NAA35: variants seen among roughly 807,000 people sequenced by gnomAD.
NAA35 encodes the protein MAK10 homolog, amino-acid N-acetyltransferase subunit.
A neutral mutation model predicts 101.7 loss-of-function variants in NAA35; 18 were observed. That is an observed-to-expected ratio of 0.18 (90% confidence interval 0.12 to 0.26). The LOEUF (loss-of-function observed/expected upper bound fraction) is 0.26. Among genes scored for constraint, NAA35 ranks in the 10% least tolerant of loss-of-function variants. The pLI is 1.00. For synonymous variants in NAA35, 267 were observed against 273.1 expected, an observed-to-expected ratio of 0.98 and a Z score of 0.22; for missense variants, 601 against 886.8, an observed-to-expected ratio of 0.68 and a Z score of 4.09.
intron 12 of NAA35, among the ~76,000 whole-genome samples, chr9:85,997,456 A>G (rs1380991334): frequency 6.8e-6 from 1 of 146,356 alleles, no homozygotes; most frequent in East Asian, 2.1e-4. Flanking sequence ...GTCATTCCAC[A>G]TCAGCCTCCC....
chr9:85,977,514 G>C (rs1830266384), intron 10 of NAA35, 68 bp downstream of exon 10: 2 of 1,088,708 alleles, frequency 1.8e-6, no homozygotes, highest in Non-Finnish European at 2.8e-6. Context: ...GAGTGAAGCA[G>C]TTCTGAAACT....
At chr9:85,942,904 G>C (rs1297868827) in intron 2 of NAA35, among the ~76,000 whole-genome samples, 1 of 152,110 alleles carries the variant, frequency 6.6e-6, no homozygotes, top group East Asian at 1.9e-4. Flanking sequence ...TAACCTCCCT[G>C]GTGAGGACCT....
At position 86,024,369 on chromosome 9, in the gene NAA35, G is replaced by A. The variant is rs1182053278; in HGVS notation, c.*2409G>A. 1.3e-5 allele frequency among the ~76,000 whole-genome samples: 2 copies of A among 152,154 alleles called. No individual in the cohort carries two copies. Among genetic ancestry groups the A allele is most frequent in the Non-Finnish European group, 2.9e-5 (2 of 68,024 alleles). ...CGGAGATGAGAGGCAAGGAGAAGCC[G>A]ATACCCAAAACCCTGGGAGGCCACA... On this transcript the variant is annotated 3_prime_UTR_variant, in exon 23 of 23. Transcript: ENST00000361671.
In NAA35 at chr9:85,956,708, A is replaced by G. The variant is rs17051499; in HGVS notation, c.158+315A>G. 6.7e-3 allele frequency among the ~76,000 whole-genome samples: 1,023 copies of G among 152,310 alleles called. 12 individuals are homozygous for G. The highest frequency in any genetic ancestry group is 0.024 in the African/African-American group (990 of 41,554). ...ATGTGATAGGTTGCTTGATAACCAGAAATTGGGTGACTAAGTGCCTAGATA... is the reference window on the plus strand; with the variant it reads ...ATGTGATAGGTTGCTTGATAACCAGGAATTGGGTGACTAAGTGCCTAGATA... On this transcript the variant is annotated intron_variant, in intron 3 of 22. Transcript: ENST00000361671.
At chr9:86,016,986 A>C (rs1832258382) in intron 18 of NAA35, among the ~76,000 whole-genome samples, 1 of 152,242 alleles carries the variant, frequency 6.6e-6, no homozygotes, top group Non-Finnish European at 1.5e-5. Flanking sequence ...AGAGCCAGAT[A>C]GCTCAGGAGG....
intron 2 of NAA35, among the ~76,000 whole-genome samples, chr9:85,948,692 C>T (rs1313100251): frequency 1.3e-5 from 2 of 152,142 alleles, no homozygotes; most frequent in African/African-American, 2.4e-5. Flanking sequence ...GTCCATTGAT[C>T]TTTTGCTATT....
At chr9:85,950,513 G>A (rs1828972866) in intron 2 of NAA35, among the ~76,000 whole-genome samples, 1 of 152,124 alleles carries the variant, frequency 6.6e-6, no homozygotes, top group African/African-American at 2.4e-5. Context: ...CAAAGTGCTG[G>A]GATTACAGGT....
chr9:86,010,150 AGGTGGGAAAATC>A (rs1312611430), intron 15 of NAA35, among the ~76,000 whole-genome samples: 8 of 152,246 alleles, frequency 5.3e-5, no homozygotes, highest in African/African-American at 1.7e-4. Flanking sequence ...CAGGAGCCTG[AGGTGGGAAAATC>A]GCTTGAACCC....
chr9:85,996,526 A>C lies in NAA35; in HGVS notation c.1005A>C (p.Arg335Ser). The C allele has an allele frequency of 6.2e-7, 1 of 1,600,054 alleles. No individual in the cohort carries two copies. Among genetic ancestry groups the C allele is most frequent in the Non-Finnish European group, 8.5e-7 (1 of 1,176,066 alleles). The change falls in exon 12 of 23, where the codon AGA becomes AGC. Residue 335 changes from arginine to serine, a missense_variant. By Grantham distance (110) the Arg-to-Ser change is moderately radical. Around this residue, in one of 8 missense-constraint regions of NAA35, gnomAD observed 190 missense variants for 223.1 expected, o/e 0.85. Coordinates refer to ENST00000361671, the MANE Select transcript of NAA35 (RefSeq NM_024635.4). ...MVNYFARLIDRIKTVCEVVNL... is the reference protein window; with the variant it reads ...MVNYFARLIDSIKTVCEVVNL... The stretch of plus-strand genomic sequence containing the variant: ...ACTATTTTGCAAGATTAATAGATAG[A>C]ATAAAAACTGTCTGTGAGGTTGTGA...
At chr9:85,959,922 C>G (rs1055363143) in intron 5 of NAA35, 55 bp downstream of exon 5, 2 of 1,330,598 alleles carry the variant, frequency 1.5e-6, no homozygotes, top group African/African-American at 1.5e-5. Context: ...TTACCTGAAT[C>G]TTGTGATTTA....
intron 14 of NAA35, among the ~76,000 whole-genome samples, chr9:86,007,848 T>C (rs957171360): frequency 6.6e-6 from 1 of 152,022 alleles, no homozygotes; most frequent in Admixed American, 6.6e-5. Context: ...AAAGGAGTCA[T>C]CATTTCTTAA....
chr9:86,020,423 T>G (rs1188133548), intron 21 of NAA35, among the ~76,000 whole-genome samples: 1 of 152,194 alleles, frequency 6.6e-6, no homozygotes, highest in Non-Finnish European at 1.5e-5. Flanking sequence ...AGGTAGCCAT[T>G]TCAATTCAGA....
chr9:86,008,852 T>G (rs182887523), intron 14 of NAA35, among the ~76,000 whole-genome samples: 1 of 152,356 alleles, frequency 6.6e-6, no homozygotes, highest in East Asian at 1.9e-4. Context: ...TACCAGAATA[T>G]TCATGTGTGA....
At chr9:85,960,479 G>A (rs1268236051) in intron 5 of NAA35, among the ~76,000 whole-genome samples, 1 of 152,056 alleles carries the variant, frequency 6.6e-6, no homozygotes, top group African/African-American at 2.4e-5. Context: ...GATTGCTAGT[G>A]TGTGTACTTG....
At position 85,960,939 on chromosome 9, in the gene NAA35, G is replaced by A. The variant is rs374078884; in HGVS notation, c.348+1072G>A. Reference sequence around the variant, plus strand: ...GGGTATATTGCATGGGCATGACAATGTGAAAATGTTCATTTTGGAAAATCA... The same window carrying A: ...GGGTATATTGCATGGGCATGACAATATGAAAATGTTCATTTTGGAAAATCA... On this transcript the variant is annotated intron_variant, in intron 5 of 22. Coordinates refer to ENST00000361671, the MANE Select transcript of NAA35 (RefSeq NM_024635.4). Among the ~76,000 whole-genome samples the A allele has an allele frequency of 1.3e-3, 192 of 152,308 alleles. 4 individuals are homozygous for A. In the South Asian group the frequency reaches 0.034, roughly 27 times the overall value.
In NAA35 at chr9:85,959,616, GT is replaced by G. The variant is rs377624997; in HGVS notation, c.274-172del. On this transcript the variant is annotated intron_variant, in intron 4 of 22. Coordinates refer to ENST00000361671, the MANE Select transcript of NAA35 (RefSeq NM_024635.4). ...AATAAAATTTATAAGAAGATATATT[GT>G]TTTTAAGAGTACAGAGTTAATTTGG... is the stretch of plus-strand genomic sequence containing the variant. Among the ~76,000 whole-genome samples the G allele has an allele frequency of 1.3e-5, 2 of 152,100 alleles. 1 individual carries two copies. The highest frequency in any genetic ancestry group is 4.8e-5 in the African/African-American group (2 of 41,528).
chr9:85,958,034 C>T (rs564246315), intron 3 of NAA35, among the ~76,000 whole-genome samples: 14 of 151,956 alleles, frequency 9.2e-5, no homozygotes, highest in African/African-American at 1.7e-4. Context: ...CTCCGCCTCC[C>T]GGGTTCAAGC....
At chr9:85,978,423 C>T (rs750231441) in intron 11 of NAA35, 42 bp downstream of exon 11, 1 of 1,354,666 alleles carries the variant, frequency 7.4e-7, no homozygotes, top group South Asian at 1.2e-5. Flanking sequence ...TTCTTCGTTT[C>T]TATCCAAAAT....
intron 18 of NAA35, among the ~76,000 whole-genome samples, chr9:86,017,096 C>G (rs1040520656): frequency 1.3e-5 from 2 of 152,230 alleles, no homozygotes; most frequent in Non-Finnish European, 2.9e-5. Context: ...AGAACCGTTT[C>G]AAAGGGACTG....
Sources: gnomAD v4.1 joint callset for allele counts (sites outside exome capture counted in the v4.1 genomes callset) on GRCh38, gnomAD v4.1.1 for gene constraint, gnomAD v4.1.1 regional missense constraint, MANE v1.5 for transcripts, NCBI Gene and HGNC (gene_info 2026-07-23, HGNC 2026-07-21) for gene names.